The following TMCO1 variants were observed in gnomAD, a reference collection of about 807,000 sequenced individuals.
TMCO1 encodes the protein transmembrane and coiled-coil domains 1.
In TMCO1, 29 loss-of-function variants were observed where a neutral mutation model predicts 29.3. The ratio of observed to expected loss-of-function variants is 0.99; its 90% CI spans 0.74 to 1.35. TMCO1 has a LOEUF of 1.35. Ranked by LOEUF, TMCO1 falls within the 40% of genes most tolerant of loss-of-function variation. The pLI is 0.00. For missense variants in TMCO1, 173 were observed against 225.5 expected, an observed-to-expected ratio of 0.77 and a Z score of 1.49; for synonymous variants, 80 against 77.1, an observed-to-expected ratio of 1.04 and a Z score of -0.20.
At chr1:165,754,125 G>T (rs1652099499) in intron 4 of TMCO1, 103 bp downstream of exon 4, 2 of 930,694 alleles carry the variant, frequency 2.1e-6, no homozygotes, top group Non-Finnish European at 3.5e-6. Context: ...GCCTTCACAG[G>T]TGATAAATTT....
Position 165,736,687 on chromosome 1 carries a change from T to A in TMCO1, c.468+6480A>T, listed in dbSNP as rs1028401924. On this transcript the variant is annotated intron_variant, in intron 6 of 6. Coordinates refer to ENST00000367881, the MANE Select transcript of TMCO1 (RefSeq NM_019026.6). ...GTGAACCGAGATCATGCCACTGCAC[T>A]ACAGCTTGGGCAATAAGAGCAAGAC... Among the ~76,000 whole-genome samples, 2 of 137,774 alleles carry A rather than the reference T, an allele frequency of 1.5e-5. 1 individual carries two copies. The highest frequency in any genetic ancestry group is 3.0e-5 in the Non-Finnish European group (2 of 65,920). 90.4% of individuals were successfully genotyped at this position (137,774 alleles called of 152,430 possible). A position where few individuals can be genotyped will look rare whatever the true frequency, so the allele number is the denominator to read the frequency against.
intron 2 of TMCO1, among the ~76,000 whole-genome samples, chr1:165,765,430 T>C (rs1038211513): frequency 6.6e-6 from 1 of 152,198 alleles, no homozygotes; most frequent in African/African-American, 2.4e-5. Context: ...ATTACAGGCA[T>C]GTGCCACCAC....
Position 165,768,789 on chromosome 1 carries a change from G to C in TMCO1, c.-38C>G, listed in dbSNP as rs775773638. On this transcript the variant is annotated 5_prime_UTR_variant, in exon 1 of 7. Transcript: ENST00000367881. Reference sequence around the variant, plus strand: ...TCTCTGCACTCTCACCCGCCAGGGGGAAAGCGCTCTACAGCCAGGAAAAGT... The same window carrying C: ...TCTCTGCACTCTCACCCGCCAGGGGCAAAGCGCTCTACAGCCAGGAAAAGT... The C allele has an allele frequency of 1.2e-6, 2 of 1,613,844 alleles. No individual in the cohort carries two copies. Among genetic ancestry groups the C allele is most frequent in the East Asian group, 2.2e-5 (1 of 44,878 alleles).
intron 6 of TMCO1, among the ~76,000 whole-genome samples, chr1:165,739,512 C>A (rs1030353487): frequency 1.3e-5 from 2 of 151,986 alleles, no homozygotes; most frequent in Admixed American, 6.6e-5. Flanking sequence ...CTCAGACTCC[C>A]AAGTAGCTGG....
intron 5 of TMCO1, among the ~76,000 whole-genome samples, chr1:165,746,052 C>T (rs1264228979): frequency 5.9e-5 from 9 of 152,042 alleles, no homozygotes; most frequent in African/African-American, 1.2e-4. Context: ...GAGGCTGAGG[C>T]GGGTGGATCA....
In TMCO1 at chr1:165,765,826, C is replaced by T. The variant is rs573575308; in HGVS notation, c.148+2366G>A. 1.9e-4 allele frequency among the ~76,000 whole-genome samples: 29 copies of T among 152,276 alleles called. No individual in the cohort carries two copies. In the South Asian group the frequency reaches 6.0e-3, roughly 32 times the overall value. On this transcript the variant is annotated intron_variant, in intron 2 of 6. Transcript: ENST00000367881. ...GAATATCAGAATGGTAAAAAGGAAG[C>T]ATCTGTAGGATGCTGGCTTTTCTGC...
At chr1:165,741,400 T>C (rs1395422273) in intron 6 of TMCO1, among the ~76,000 whole-genome samples, 1 of 152,190 alleles carries the variant, frequency 6.6e-6, no homozygotes, top group African/African-American at 2.4e-5. Flanking sequence ...ACCTTCACAA[T>C]GCAGTAAGTG....
intron 6 of TMCO1, among the ~76,000 whole-genome samples, chr1:165,730,286 G>A (rs1238290174): frequency 6.6e-6 from 1 of 151,888 alleles, no homozygotes; most frequent in Non-Finnish European, 1.5e-5. Context: ...GCAGTGAGCC[G>A]AGATCGCGCC....
chr1:165,756,058 A>G (rs993696478), intron 3 of TMCO1, among the ~76,000 whole-genome samples: 23 of 152,096 alleles, frequency 1.5e-4, no homozygotes, highest in Non-Finnish European at 2.5e-4. Context: ...AAAAAAAAAA[A>G]AAAAGAAAAA....
intron 3 of TMCO1, among the ~76,000 whole-genome samples, chr1:165,758,037 CTCT>C (rs71678704): frequency 0.2 from 30,825 of 151,864 alleles, 3,227 homozygotes; most frequent in South Asian, 0.34. Flanking sequence ...TGTCTGCATT[CTCT>C]TCTTCATCTA....
At chr1:165,758,561 A>C (rs530937612) in intron 3 of TMCO1, among the ~76,000 whole-genome samples, 54 of 152,022 alleles carry the variant, frequency 3.6e-4, no homozygotes, top group South Asian at 2.3e-3. Flanking sequence ...TGTCTCAAAA[A>C]AAAACAAAAA....
rs1651452098 is a variant in TMCO1 at position 165,737,902 on chromosome 1, CCTT to C, written c.468+5262_468+5264del. On this transcript the variant is annotated intron_variant, in intron 6 of 6. Transcript: ENST00000367881. ...ACCATGAGGTGAAGATTCAGGCAAT[CCTT>C]CTCAGTGACAAGCTTCACTTCCTGT... Among the ~76,000 whole-genome samples the C allele has an allele frequency of 3.3e-5, 5 of 152,300 alleles. No individual in the cohort carries two copies. The South Asian group carries it at 1.0e-3, about 32-fold the overall frequency.
At chr1:165,752,404 C>T (rs986535526) in intron 4 of TMCO1, among the ~76,000 whole-genome samples, 3 of 151,196 alleles carry the variant, frequency 2.0e-5, no homozygotes, top group Non-Finnish European at 4.4e-5. Context: ...TACAGGGGCC[C>T]GCCACCACGC....
intron 6 of TMCO1, among the ~76,000 whole-genome samples, chr1:165,729,091 T>G (rs1651018369): frequency 8.3e-6 from 1 of 121,150 alleles, no homozygotes; most frequent in African/African-American, 3.3e-5. Flanking sequence ...GGCAACAGAG[T>G]GAGATTCTGT....
At chr1:165,751,106 C>T (rs61800454) in intron 5 of TMCO1, among the ~76,000 whole-genome samples, 4,328 of 152,172 alleles carry the variant, frequency 0.028, 104 homozygotes, top group Middle Eastern at 0.075. Context: ...TTACTATCAT[C>T]GTTGGATATT....
chr1:165,768,144 A>C, intron 2 of TMCO1, 48 bp downstream of exon 2: 1 of 1,435,034 alleles, frequency 7.0e-7, no homozygotes, highest in Non-Finnish European at 9.8e-7. Flanking sequence ...ACATGGACTT[A>C]ATGAGCTTGA....
At chr1:165,766,488 A>G (rs1293307826) in intron 2 of TMCO1, among the ~76,000 whole-genome samples, 1 of 152,198 alleles carries the variant, frequency 6.6e-6, no homozygotes, top group Non-Finnish European at 1.5e-5. Context: ...AGTAAATTGC[A>G]GAAGAATGAT....
intron 5 of TMCO1, among the ~76,000 whole-genome samples, chr1:165,745,435 G>A (rs942345575): frequency 2.8e-5 from 4 of 142,102 alleles, no homozygotes; most frequent in South Asian, 2.3e-4. Context: ...CCATGAGTTC[G>A]AGACCAGCCC....
At chr1:165,743,580 C>T (rs73022517) in intron 5 of TMCO1, among the ~76,000 whole-genome samples, 1 of 151,982 alleles carries the variant, frequency 6.6e-6, no homozygotes, top group Non-Finnish European at 1.5e-5. Context: ...TTATTTAGGA[C>T]CCTAAAAACT....
Sources: gnomAD v4.1 joint callset for allele counts (sites outside exome capture counted in the v4.1 genomes callset) on GRCh38, gnomAD v4.1.1 for gene constraint, MANE v1.5 for transcripts, NCBI Gene and HGNC (gene_info 2026-07-23, HGNC 2026-07-21) for gene names.